The following KCNC1 variants were observed in gnomAD, a reference collection of about 807,000 sequenced individuals.
KCNC1 encodes the protein potassium voltage-gated channel subfamily C member 1.
A neutral mutation model predicts 43.4 loss-of-function variants in KCNC1; 8 were observed. That is an observed-to-expected ratio of 0.18 (90% confidence interval 0.11 to 0.33). The LOEUF (loss-of-function observed/expected upper bound fraction) is 0.33, where lower values mean the gene tolerates loss of function less well. Ranked by LOEUF, KCNC1 falls within the 10% of genes least tolerant of loss-of-function variation. The probability of loss-of-function intolerance (pLI) is 1.00; values close to 1 mark genes in which losing one functional copy is unlikely to be tolerated. For missense variants in KCNC1, 420 were observed against 836.0 expected, an observed-to-expected ratio of 0.50 and a Z score of 6.14; for synonymous variants, 361 against 360.5, an observed-to-expected ratio of 1.00 and a Z score of -0.01.
chr11:17,779,243 A>G lies in KCNC1; in HGVS notation c.1505-213A>G, dbSNP rs1849319339. ...AGCAAACCCAGGAGTCCCCACTCCC[A>G]GCACTGTGGGCAGCCCGAAGGCTGC... On this transcript the variant is annotated intron_variant, in intron 2 of 3. Transcript: ENST00000265969. The surrounding 1 kb of genome is among the most constrained non-coding windows in gnomAD (Gnocchi z 7.2). The G allele has an allele frequency of 1.4e-5, 7 of 512,812 alleles. No homozygotes were observed. In the Admixed American group the frequency reaches 2.6e-4, roughly 19 times the overall value. The allele number at this position is 512,812 out of a possible 1,614,324, so 31.8% of individuals were successfully genotyped here.
intron 1 of KCNC1, among the ~76,000 whole-genome samples, chr11:17,764,236 CAT>C (rs926571111): frequency 2.0e-5 from 3 of 149,418 alleles, no homozygotes; most frequent in East Asian, 2.0e-4. Context: ...ACACACCACA[CAT>C]AGTCCCATAC....
At chr11:17,760,708 C>A (rs1368885608) in intron 1 of KCNC1, among the ~76,000 whole-genome samples, 2 of 152,192 alleles carry the variant, frequency 1.3e-5, no homozygotes, top group Non-Finnish European at 2.9e-5. Flanking sequence ...GCACGCGCTG[C>A]CTGCTGCTTA....
intron 1 of KCNC1, among the ~76,000 whole-genome samples, chr11:17,753,724 G>C (rs539291900): frequency 6.6e-6 from 1 of 152,146 alleles, no homozygotes; most frequent in Non-Finnish European, 1.5e-5. Context: ...GGGGCGGGTG[G>C]CAATGGGAGT....
chr11:17,754,234 C>A (rs1848999417), intron 1 of KCNC1, among the ~76,000 whole-genome samples: 1 of 152,204 alleles, frequency 6.6e-6, no homozygotes, highest in South Asian at 2.1e-4. Flanking sequence ...GTAATAAACA[C>A]TCTGTGCAAA....
rs559792603 is a variant in KCNC1, at chr11:17,777,418, C to T, written c.1505-2038C>T. 38 of 985,790 alleles carry T rather than the reference C, an allele frequency of 3.9e-5. No homozygotes were observed. The highest frequency in any genetic ancestry group is 4.6e-5 in the Non-Finnish European group (38 of 829,974). 61.1% of individuals were successfully genotyped at this position (985,790 alleles called of 1,614,324 possible). Reference sequence around the variant, plus strand: ...CCTTGAGGAAAATCCATGCAGGGTGCTATGGGCCTCAACCCCCACATCGTC... The same window carrying T: ...CCTTGAGGAAAATCCATGCAGGGTGTTATGGGCCTCAACCCCCACATCGTC... On this transcript the variant is annotated intron_variant, in intron 2 of 3. Transcript: ENST00000265969. This position sits in a 1 kb window ranked among gnomAD's most constrained non-coding sequence, Gnocchi z 4.3.
At position 17,771,938 on chromosome 11, in the gene KCNC1, G is replaced by T; in HGVS notation, c.844G>T (p.Asp282Tyr). Residue 282 changes from aspartate to tyrosine, a missense_variant, in exon 2 of 4, where the codon GAC becomes TAC. By Grantham distance (160) the Asp-to-Tyr change is radical. Transcript: ENST00000265969. The surrounding 1 kb of genome is among the most constrained non-coding windows in gnomAD (Gnocchi z 4.7). ...EFIKNSLNII[D>Y]FVAILPFYLE... Reference sequence around the variant, plus strand: ...CATCAAGAACTCGCTCAACATCATTGACTTTGTGGCCATCCTGCCCTTCTA... The same window carrying T: ...CATCAAGAACTCGCTCAACATCATTTACTTTGTGGCCATCCTGCCCTTCTA... 6.2e-7 allele frequency: 1 copy of T among 1,614,206 alleles called. No homozygotes were observed.
intron 2 of KCNC1, chr11:17,774,495 A>G (rs1849263932): frequency 1.0e-6 from 1 of 985,384 alleles, no homozygotes; most frequent in African/African-American, 1.7e-5. Flanking sequence ...GGACAATGAC[A>G]GTATTATCCT....
At position 17,779,169 on chromosome 11, in the gene KCNC1, G is replaced by GCACCACACCTGCTGGATCCATCACCAA; in HGVS notation, c.1505-285_1505-259dup. 3.1e-6 allele frequency: 1 copy of GCACCACACCTGCTGGATCCATCACCAA among 325,884 alleles called. No homozygotes were observed. Among genetic ancestry groups the GCACCACACCTGCTGGATCCATCACCAA allele is most frequent in the Non-Finnish European group, 5.6e-6 (1 of 179,236 alleles). The allele number at this position is 325,884 out of a possible 1,614,324, so 20.2% of individuals were successfully genotyped here. ...GCTTGGGGCCCGGGGCCGGCCCCCA[G>GCACCACACCTGCTGGATCCATCACCAA]CACCACACCTGCTGGATCCATCACC... On this transcript the variant is annotated intron_variant, in intron 2 of 3. Coordinates refer to ENST00000265969, the MANE Select transcript of KCNC1 (RefSeq NM_001112741.2). The surrounding 1 kb of genome is among the most constrained non-coding windows in gnomAD (Gnocchi z 7.2).
At chr11:17,754,934 G>A (rs1849007572) in intron 1 of KCNC1, among the ~76,000 whole-genome samples, 1 of 152,098 alleles carries the variant, frequency 6.6e-6, no homozygotes, top group East Asian at 1.9e-4. Context: ...TTTTCTTATA[G>A]GTAAATTATA....
intron 1 of KCNC1, among the ~76,000 whole-genome samples, chr11:17,770,558 C>T (rs1849213174): frequency 6.6e-6 from 1 of 152,210 alleles, no homozygotes; most frequent in Non-Finnish European, 1.5e-5. Context: ...ACTCAGAAAG[C>T]TGCTTGATTC....
At chr11:17,768,625 G>A (rs1281563453) in intron 1 of KCNC1, among the ~76,000 whole-genome samples, 13 of 146,586 alleles carry the variant, frequency 8.9e-5, no homozygotes, top group African/African-American at 1.2e-4. Flanking sequence ...GGGGGGGGGC[G>A]GTTTGGGAAT....
Position 17,777,301 on chromosome 11 carries a change from C to A in KCNC1, c.1505-2155C>A. Reference sequence around the variant, plus strand: ...AGGCAAGAACTGCAGGCTGTGGACACCTCCCCTGGCAGAGGATGGCCAACA... The same window carrying A: ...AGGCAAGAACTGCAGGCTGTGGACAACTCCCCTGGCAGAGGATGGCCAACA... On this transcript the variant is annotated intron_variant, in intron 2 of 3. Coordinates refer to ENST00000265969, the MANE Select transcript of KCNC1 (RefSeq NM_001112741.2). The surrounding 1 kb of genome is among the most constrained non-coding windows in gnomAD (Gnocchi z 4.3). 1.0e-6 allele frequency: 1 copy of A among 985,874 alleles called. No individual in the cohort carries two copies. The highest frequency in any genetic ancestry group is 1.2e-6 in the Non-Finnish European group (1 of 829,978). The allele number at this position is 985,874 out of a possible 1,614,324, so 61.1% of individuals were successfully genotyped here. A position where few individuals can be genotyped will look rare whatever the true frequency, so the allele number is the denominator to read the frequency against.
chr11:17,758,052 C>A (rs539753211), intron 1 of KCNC1, among the ~76,000 whole-genome samples: 1 of 152,362 alleles, frequency 6.6e-6, no homozygotes, highest in African/African-American at 2.4e-5. Flanking sequence ...CACAGTAGAA[C>A]TTCTTTCAAA....
intron 1 of KCNC1, among the ~76,000 whole-genome samples, chr11:17,756,609 G>A (rs1266907462): frequency 2.0e-5 from 3 of 151,548 alleles, no homozygotes; most frequent in African/African-American, 7.3e-5. Context: ...CACACAAGTG[G>A]GCACAGGAGG....
chr11:17,774,466 C>G (rs1849263809), intron 2 of KCNC1: 9 of 985,526 alleles, frequency 9.1e-6, no homozygotes, highest in Non-Finnish European at 1.1e-5. Flanking sequence ...CAGGCAGGCC[C>G]AGATTCCTCT....
At position 17,781,104 on chromosome 11, in the gene KCNC1, G is replaced by A. The variant is rs908647570; in HGVS notation, c.1694-566G>A. 2 of 152,310 alleles carry A rather than the reference G, an allele frequency of 1.3e-5. No individual in the cohort carries two copies. Among genetic ancestry groups the A allele is most frequent in the African/African-American group, 4.8e-5 (2 of 41,476 alleles). The allele number at this position is 152,310 out of a possible 1,614,324, so 9.4% of individuals were successfully genotyped here. A position where few individuals can be genotyped will look rare whatever the true frequency, so the allele number is the denominator to read the frequency against. On this transcript the variant is annotated intron_variant, in intron 3 of 3. Transcript: ENST00000265969. This position sits in a 1 kb window ranked among gnomAD's most constrained non-coding sequence, Gnocchi z 5.1. ...CCCAGTAAGCTCTCGTGGGCTTTCT[G>A]TCTCCATCATCTTGAATGTTAGACT...
intron 1 of KCNC1, among the ~76,000 whole-genome samples, chr11:17,749,471 C>T (rs946877326): frequency 2.6e-5 from 4 of 152,246 alleles, no homozygotes; most frequent in African/African-American, 9.6e-5. Context: ...TCTCTGCCCA[C>T]ATAGGTGGTG....
rs1188516280 is a variant in KCNC1 at position 17,742,084 on chromosome 11, A to G, written c.570+5512A>G. Among the ~76,000 whole-genome samples, 1 of 152,246 alleles carries G rather than the reference A, an allele frequency of 6.6e-6. No individual in the cohort carries two copies. The highest frequency in any genetic ancestry group is 2.4e-5 in the African/African-American group (1 of 41,466). Reference sequence around the variant, plus strand: ...ATAGAATAGGAGCTGTTATCATGACAGATGAGGAAGTTGAGGCCCAGAGAG... The same window carrying G: ...ATAGAATAGGAGCTGTTATCATGACGGATGAGGAAGTTGAGGCCCAGAGAG... On this transcript the variant is annotated intron_variant, in intron 1 of 3. Coordinates refer to ENST00000265969, the MANE Select transcript of KCNC1 (RefSeq NM_001112741.2). The surrounding 1 kb of genome is among the most constrained non-coding windows in gnomAD (Gnocchi z 4.2).
At chr11:17,748,144 G>A (rs1404372779) in intron 1 of KCNC1, among the ~76,000 whole-genome samples, 1 of 152,236 alleles carries the variant, frequency 6.6e-6, no homozygotes, top group African/African-American at 2.4e-5. Flanking sequence ...GACAGAGGCA[G>A]GAGCCCAGGG....
Sources: gnomAD v4.1 joint callset for allele counts (sites outside exome capture counted in the v4.1 genomes callset) on GRCh38, gnomAD v4.1.1 for gene constraint, Gnocchi (gnomAD v3.1) non-coding constraint, MANE v1.5 for transcripts, NCBI Gene and HGNC (gene_info 2026-07-23, HGNC 2026-07-21) for gene names.